CTNS: variants seen among roughly 807,000 people sequenced by gnomAD.
CTNS encodes the protein cystinosin, lysosomal cystine transporter.
CTNS carries 27 observed loss-of-function variants against 43.7 expected under a neutral mutation model. The observed-to-expected ratio is 0.62, with a 90% CI of 0.46 to 0.85. CTNS has a LOEUF of 0.85. Ranked by LOEUF, CTNS falls within the 40% of genes least tolerant of loss-of-function variation. The probability of loss-of-function intolerance (pLI) is 0.00; values close to 1 mark genes in which losing one functional copy is unlikely to be tolerated. For synonymous variants in CTNS, 187 were observed against 190.6 expected (o/e 0.98, Z 0.16); for missense variants, 457 against 475.4 (o/e 0.96, Z 0.36).
At chr17:3,647,559 T>G in intron 4 of CTNS, 37 bp downstream of exon 4, 1 of 1,591,502 alleles carries the variant, frequency 6.3e-7, no homozygotes, top group Non-Finnish European at 8.6e-7. Flanking sequence ...TCAGCTCCGC[T>G]CAGGCCCCGC....
chr17:3,655,390 C>T (rs2076104193), intron 7 of CTNS, 38 bp downstream of exon 7: 1 of 1,612,702 alleles, frequency 6.2e-7, no homozygotes, highest in Non-Finnish European at 8.5e-7. Context: ...TCTCTCGGGG[C>T]CCCTAGGAGC....
intron 3 of CTNS, among the ~76,000 whole-genome samples, chr17:3,645,991 C>T (rs1019432882): frequency 6.6e-6 from 1 of 150,694 alleles, no homozygotes; most frequent in Non-Finnish European, 1.5e-5. Context: ...GTCTGAGTGA[C>T]GGGGTCTGGG....
At chr17:3,643,607 C>T (rs1351016350) in intron 3 of CTNS, among the ~76,000 whole-genome samples, 1 of 152,102 alleles carries the variant, frequency 6.6e-6, no homozygotes, top group Non-Finnish European at 1.5e-5. Context: ...CTCAGTTGCA[C>T]AGGCTGGAGT....
At position 3,647,597 on chromosome 17, in the gene CTNS, A is replaced by C; in HGVS notation, c.140+75A>C. On this transcript the variant is annotated intron_variant, in intron 4 of 11. Coordinates refer to ENST00000046640, the MANE Select transcript of CTNS (RefSeq NM_004937.3). ...CTGGGTCAGGGCTGACCCCTGGCTCAGTCTGTTCAGATTTCAGATGCGCTA... is the reference window on the plus strand; with the variant it reads ...CTGGGTCAGGGCTGACCCCTGGCTCCGTCTGTTCAGATTTCAGATGCGCTA... 6.9e-6 allele frequency: 9 copies of C among 1,302,946 alleles called. No homozygotes were observed. In the South Asian group the frequency reaches 9.5e-5, roughly 14 times the overall value. The allele number at this position is 1,302,946 out of a possible 1,614,324, so 80.7% of individuals were successfully genotyped here.
At chr17:3,653,209 C>T (rs2076030740) in intron 5 of CTNS, among the ~76,000 whole-genome samples, 1 of 151,926 alleles carries the variant, frequency 6.6e-6, no homozygotes, top group Admixed American at 6.6e-5. Flanking sequence ...GTCAGAAGAT[C>T]GAGACCAGCC....
chr17:3,647,375 G>A lies in CTNS; in HGVS notation c.62-69G>A, dbSNP rs1437698056. ...CAGGAGTTCAGATGTCAGGGGTTTC[G>A]GCCCAGTTTTCTGTCACAGGCCTGA... On this transcript the variant is annotated intron_variant, in intron 3 of 11. Coordinates refer to ENST00000046640, the MANE Select transcript of CTNS (RefSeq NM_004937.3). 9.6e-5 allele frequency: 131 copies of A among 1,358,858 alleles called. 1 individual carries two copies. The highest frequency in any genetic ancestry group is 1.3e-4 in the Non-Finnish European group (119 of 948,266). The allele number at this position is 1,358,858 out of a possible 1,614,324, so 84.2% of individuals were successfully genotyped here.
chr17:3,662,716 A>G lies in CTNS; in HGVS notation c.*2347A>G, dbSNP rs1401013591. On this transcript the variant is annotated 3_prime_UTR_variant, in exon 12 of 12. Coordinates refer to ENST00000046640, the MANE Select transcript of CTNS (RefSeq NM_004937.3). The stretch of plus-strand genomic sequence containing the variant: ...CACAGATGTGGTTCTGGTCAGGCGC[A>G]GTGCAGCTGCTGCGGCTCCACCAGC... Among the ~76,000 whole-genome samples the G allele has an allele frequency of 6.6e-6, 1 of 150,394 alleles. No individual in the cohort carries two copies. The highest frequency in any genetic ancestry group is 2.4e-5 in the African/African-American group (1 of 40,836).
chr17:3,643,874 T>A (rs1239024864), intron 3 of CTNS, among the ~76,000 whole-genome samples: 1 of 152,144 alleles, frequency 6.6e-6, no homozygotes, highest in African/African-American at 2.4e-5. Context: ...GCCAAAAATT[T>A]TTTTTTAATT....
At position 3,661,400 on chromosome 17, in the gene CTNS, G is replaced by GTCA. The variant is rs958216370; in HGVS notation, c.*1033_*1034insATC. The GTCA allele has an allele frequency of 1.3e-4, 13 of 100,294 alleles. No homozygotes were observed. The highest frequency in any genetic ancestry group is 3.5e-4 in the African/African-American group (11 of 31,232). 6.2% of individuals were successfully genotyped at this position (100,294 alleles called of 1,614,324 possible). On this transcript the variant is annotated 3_prime_UTR_variant, in exon 12 of 12. Transcript: ENST00000046640. Reference sequence around the variant, plus strand: ...AACCTCCTTCCCTCTGCCCAAAGCTGTCCTTCCTATGGCAGGAGGGGTGGG... The same window carrying GTCA: ...AACCTCCTTCCCTCTGCCCAAAGCTGTCATCCTTCCTATGGCAGGAGGGGTGGG...
chr17:3,659,687 CTG>C (rs1290486023), intron 10 of CTNS, among the ~76,000 whole-genome samples, 169 bp from the exon 11 acceptor site: 6 of 152,222 alleles, frequency 3.9e-5, no homozygotes, highest in Non-Finnish European at 8.8e-5. Flanking sequence ...ACCACCCAAA[CTG>C]TTCCTTGGCT....
At position 3,662,114 on chromosome 17, in the gene CTNS, C is replaced by T. The variant is rs187530341; in HGVS notation, c.*1745C>T. Among the ~76,000 whole-genome samples, 1 of 152,226 alleles carries T rather than the reference C, an allele frequency of 6.6e-6. No homozygotes were observed. Among genetic ancestry groups the T allele is most frequent in the Non-Finnish European group, 1.5e-5 (1 of 68,010 alleles). ...TCACCTGACATCAGGAGTTCGAGACCAGCCTAGCCAACATTGCAAAACCCC... is the reference window on the plus strand; with the variant it reads ...TCACCTGACATCAGGAGTTCGAGACTAGCCTAGCCAACATTGCAAAACCCC... On this transcript the variant is annotated 3_prime_UTR_variant, in exon 12 of 12. Transcript: ENST00000046640.
chr17:3,651,392 A>C (rs978268012), intron 5 of CTNS, among the ~76,000 whole-genome samples: 6 of 152,118 alleles, frequency 3.9e-5, no homozygotes, highest in Non-Finnish European at 8.8e-5. Flanking sequence ...CGCCTGGCCA[A>C]AGTGTCCTCT....
At chr17:3,639,780 A>T (rs2075639634) in intron 2 of CTNS, among the ~76,000 whole-genome samples, 1 of 152,120 alleles carries the variant, frequency 6.6e-6, no homozygotes, top group African/African-American at 2.4e-5. Context: ...AAAGGAAATT[A>T]ATTTCCTTGA....
At chr17:3,650,508 G>A in intron 5 of CTNS, 2 of 735,104 alleles carry the variant, frequency 2.7e-6, no homozygotes, top group Non-Finnish European at 4.1e-6. Flanking sequence ...AAAATAAAAT[G>A]TTTAAAAATA....
intron 3 of CTNS, among the ~76,000 whole-genome samples, chr17:3,647,175 C>G (rs889670301): frequency 6.6e-6 from 1 of 152,208 alleles, no homozygotes; most frequent in Non-Finnish European, 1.5e-5. Context: ...CTCTGGTTAA[C>G]TCAGCCGCAG....
rs371619089 is a variant in CTNS at position 3,642,041 on chromosome 17, C to CTGTGTGTGTGTG, written c.61+1778_61+1789dup. On this transcript the variant is annotated intron_variant, in intron 3 of 11. Transcript: ENST00000046640. ...TGCGCGCGCGTGTATTTGCCTGGGCCTGTGTGTGTGTGTGTACCCGGGCGT... is the reference window on the plus strand; with the variant it reads ...TGCGCGCGCGTGTATTTGCCTGGGCCTGTGTGTGTGTGTGTGTGTGTGTGTGTACCCGGGCGT... Among the ~76,000 whole-genome samples the CTGTGTGTGTGTG allele has an allele frequency of 8.6e-3, 1,236 of 143,848 alleles. 15 individuals carry two copies. Among genetic ancestry groups the CTGTGTGTGTGTG allele is most frequent in the African/African-American group, 0.014 (519 of 37,848 alleles). The allele number at this position is 143,848 out of a possible 152,430, so 94.4% of individuals were successfully genotyped here.
intron 7 of CTNS, 54 bp downstream of exon 7, chr17:3,655,406 G>C: frequency 6.2e-7 from 1 of 1,609,804 alleles, no homozygotes; most frequent in Admixed American, 1.7e-5. Context: ...GGAGCAGGGC[G>C]TTCCAGCAAG....
rs768248047 is a variant in CTNS at position 3,661,219 on chromosome 17, C to T, written c.*850C>T. On this transcript the variant is annotated 3_prime_UTR_variant, in exon 12 of 12. Coordinates refer to ENST00000046640, the MANE Select transcript of CTNS (RefSeq NM_004937.3). ...GAGGTCTGTTAGGCCTGCCAAACGG[C>T]GACCAGCTCCCCTGGAGCGAGGGCA... 8.4e-5 allele frequency: 17 copies of T among 203,528 alleles called. No homozygotes were observed. Among genetic ancestry groups the T allele is most frequent in the South Asian group, 6.0e-4 (7 of 11,658 alleles). 12.6% of individuals were successfully genotyped at this position (203,528 alleles called of 1,614,324 possible).
At chr17:3,650,675 C>A (rs945760198) in intron 5 of CTNS, among the ~76,000 whole-genome samples, 1 of 152,168 alleles carries the variant, frequency 6.6e-6, no homozygotes, top group Admixed American at 6.6e-5. Context: ...TGGGTTCCCA[C>A]AGCACAGCCC....
Sources: allele counts gnomAD v4.1 joint callset (sites outside exome capture counted in the v4.1 genomes callset), GRCh38; gene constraint gnomAD v4.1.1; transcripts MANE v1.5; gene names NCBI Gene and HGNC (gene_info 2026-07-23, HGNC 2026-07-21).